TMEM52B: variants seen among roughly 807,000 people sequenced by gnomAD.
TMEM52B encodes the protein chromosome 12 open reading frame 59.
In TMEM52B, 11 loss-of-function variants were observed where a neutral mutation model predicts 16.1. That is an observed-to-expected ratio of 0.68 (90% CI 0.43 to 1.13). The LOEUF (loss-of-function observed/expected upper bound fraction) is 1.13. TMEM52B is among the 50% of genes most tolerant of loss of function. The probability of loss-of-function intolerance (pLI) is 0.00; values close to 1 mark genes in which losing one functional copy is unlikely to be tolerated. For synonymous variants in TMEM52B, 101 were observed against 93.8 expected, an observed-to-expected ratio of 1.08 and a Z score of -0.45; for missense variants, 243 against 230.4, an observed-to-expected ratio of 1.05 and a Z score of -0.35.
chr12:10,185,074 T>G (rs1413275445), intron 2 of TMEM52B, among the ~76,000 whole-genome samples: 2 of 152,212 alleles, frequency 1.3e-5, no homozygotes, highest in African/African-American at 4.8e-5. Flanking sequence ...CTATGGACAC[T>G]TCTAATGATC....
intron 2 of TMEM52B, 61 bp downstream of exon 2, chr12:10,182,654 A>T: frequency 6.7e-7 from 1 of 1,487,112 alleles, no homozygotes; most frequent in African/African-American, 1.4e-5. Flanking sequence ...CTACCCCAAA[A>T]GAGAGTCAAG....
chr12:10,185,901 C>T (rs1164103785), intron 3 of TMEM52B, among the ~76,000 whole-genome samples: 1 of 152,100 alleles, frequency 6.6e-6, no homozygotes, highest in African/African-American at 2.4e-5. Context: ...ATTAGCTGGG[C>T]GTGGTGGCAC....
At chr12:10,175,652 C>A (rs1948760233), upstream of TMEM52B, 1 of 152,254 alleles carries the variant, frequency 6.6e-6, no homozygotes. Context: ...GAAGCTGTCA[C>A]TCAATCCCTA....
At chr12:10,182,847 T>C (rs1948839572) in intron 2 of TMEM52B, among the ~76,000 whole-genome samples, 1 of 152,186 alleles carries the variant, frequency 6.6e-6, no homozygotes, top group Non-Finnish European at 1.5e-5. Flanking sequence ...AATCTCAACT[T>C]ATACAGTCAT....
intron 2 of TMEM52B, 67 bp from the exon 3 acceptor site, chr12:10,185,263 T>A: frequency 9.2e-7 from 1 of 1,085,370 alleles, no homozygotes; most frequent in Non-Finnish European, 1.4e-6. Context: ...CTCATATTTC[T>A]GAGTCTGGAG....
chr12:10,175,111 T>C (rs1430449971), upstream of TMEM52B, among the ~76,000 whole-genome samples: 1 of 152,172 alleles, frequency 6.6e-6, no homozygotes, highest in Non-Finnish European at 1.5e-5. Context: ...CTCCTGGTGT[T>C]CATGATCTTG....
Position 10,179,388 on chromosome 12 carries a change from A to G in TMEM52B, c.-187A>G, listed in dbSNP as rs1201438132. 1.5e-5 allele frequency: 9 copies of G among 617,082 alleles called. No homozygotes were observed. Among genetic ancestry groups the G allele is most frequent in the Non-Finnish European group, 2.6e-5 (9 of 347,118 alleles). The allele number at this position is 617,082 out of a possible 1,614,324, so 38.2% of individuals were successfully genotyped here. ...AAACAGGAAAGAAGAGGGAAAAGCC[A>G]TAGAAAATAACAGCCAGAGCGAGTA... is the stretch of plus-strand genomic sequence containing the variant. On this transcript the variant is annotated 5_prime_UTR_variant, in exon 1 of 5. Transcript: ENST00000543484.
At chr12:10,185,786 T>G (rs1423130801) in intron 3 of TMEM52B, among the ~76,000 whole-genome samples, 1 of 152,146 alleles carries the variant, frequency 6.6e-6, no homozygotes, top group Non-Finnish European at 1.5e-5. Context: ...CTCACACCTG[T>G]AATCCTAGCA....
At chr12:10,189,063 C>T (rs2896043) in intron 4 of TMEM52B, among the ~76,000 whole-genome samples, 42,902 of 131,064 alleles carry the variant, frequency 0.33, 7,318 homozygotes, top group Middle Eastern at 0.43. Context: ...TAGCCAGGCA[C>T]GTTGGCACAT....
chr12:10,174,800 T>C (rs1179460047), upstream of TMEM52B, among the ~76,000 whole-genome samples: 1 of 152,238 alleles, frequency 6.6e-6, no homozygotes, highest in Non-Finnish European at 1.5e-5. Context: ...AATTGGTTTA[T>C]TTTAGGCACC....
At chr12:10,186,711 C>T in intron 4 of TMEM52B, 122 bp downstream of exon 4, 1 of 1,065,426 alleles carries the variant, frequency 9.4e-7, no homozygotes, top group Non-Finnish European at 1.2e-6. Context: ...ACAATAATTT[C>T]CATTCCCAGA....
Position 10,189,045 on chromosome 12 carries a change from A to G in TMEM52B, c.308-851A>G, listed in dbSNP as rs1157871733. On this transcript the variant is annotated intron_variant, in intron 4 of 4. Coordinates refer to ENST00000543484, the MANE Select transcript of TMEM52B (RefSeq NM_001384896.1). ...AAAAAAAAAAAAAAAAAAAAAAAAA[A>G]AAAAAATTAGCCAGGCACGTTGGCA... Among the ~76,000 whole-genome samples, 3 of 121,998 alleles carry G rather than the reference A, an allele frequency of 2.5e-5. No homozygotes were observed. The East Asian group carries it at 6.9e-4, about 28-fold the overall frequency. 80.0% of individuals were successfully genotyped at this position (121,998 alleles called of 152,430 possible).
chr12:10,172,347 A>G, intron 1 of TMEM52B: 1 of 326,182 alleles, frequency 3.1e-6, no homozygotes, highest in South Asian at 4.9e-5. Context: ...AGGGAAAACT[A>G]TTTTTCATGA....
chr12:10,181,313 T>A (rs56896548), intron 1 of TMEM52B, among the ~76,000 whole-genome samples: 2,455 of 149,968 alleles, frequency 0.016, 60 homozygotes, highest in African/African-American at 0.057. Flanking sequence ...TCTGTCTGCA[T>A]CAATAGGTGT....
intron 4 of TMEM52B, among the ~76,000 whole-genome samples, chr12:10,189,228 T>C (rs1326733869): frequency 2.1e-5 from 3 of 139,672 alleles, no homozygotes; most frequent in Admixed American, 7.2e-5. Flanking sequence ...AGAAAAGAGA[T>C]GAGGTAAAAA....
At chr12:10,181,176 G>GT (rs1228261545) in intron 1 of TMEM52B, among the ~76,000 whole-genome samples, 3 of 151,940 alleles carry the variant, frequency 2.0e-5, no homozygotes, top group Non-Finnish European at 2.9e-5. Flanking sequence ...AGTTTTGTTT[G>GT]TTTTTTTGTT....
rs535321190 is a variant in TMEM52B, at chr12:10,190,378, A to G, written c.*238A>G. On this transcript the variant is annotated 3_prime_UTR_variant, in exon 5 of 5. Transcript: ENST00000543484. ...AAATCTGCAAGTAATCTCTAGCCACACTGATTACTACTAAACCAGGAAAGC... is the reference window on the plus strand; with the variant it reads ...AAATCTGCAAGTAATCTCTAGCCACGCTGATTACTACTAAACCAGGAAAGC... The G allele has an allele frequency of 1.4e-5, 7 of 483,388 alleles. No homozygotes were observed. Among genetic ancestry groups the G allele is most frequent in the Non-Finnish European group, 2.3e-5 (6 of 265,958 alleles). The allele number at this position is 483,388 out of a possible 1,614,324, so 29.9% of individuals were successfully genotyped here. A position where few individuals can be genotyped will look rare whatever the true frequency, so the allele number is the denominator to read the frequency against.
Position 10,190,294 on chromosome 12 carries a change from T to G in TMEM52B, c.*154T>G. ...GTTCTTACTCTTCGTTCACAGGCCT[T>G]TATATCTTCCGATACAGAATGCTCT... is the stretch of plus-strand genomic sequence containing the variant. On this transcript the variant is annotated 3_prime_UTR_variant, in exon 5 of 5. Transcript: ENST00000543484. 1 of 987,426 alleles carries G rather than the reference T, an allele frequency of 1.0e-6. No homozygotes were observed. The highest frequency in any genetic ancestry group is 1.5e-6 in the Non-Finnish European group (1 of 684,532). 61.2% of individuals were successfully genotyped at this position (987,426 alleles called of 1,614,324 possible).
At position 10,189,780 on chromosome 12, in the gene TMEM52B, A is replaced by G. The variant is rs141517838; in HGVS notation, c.308-116A>G. On this transcript the variant is annotated intron_variant, in intron 4 of 4. Transcript: ENST00000543484. ...ATAAAATTTGGGGCAAGGAGTGACA[A>G]TGAGTTTGGATACTTGTAAAAAATG... 37 of 1,416,676 alleles carry G rather than the reference A, an allele frequency of 2.6e-5. No individual in the cohort carries two copies. In the African/African-American group the frequency reaches 4.7e-4, roughly 18 times the overall value. The allele number at this position is 1,416,676 out of a possible 1,614,324, so 87.8% of individuals were successfully genotyped here. A position where few individuals can be genotyped will look rare whatever the true frequency, so the allele number is the denominator to read the frequency against.
Sources: allele counts gnomAD v4.1 joint callset (sites outside exome capture counted in the v4.1 genomes callset), GRCh38; gene constraint gnomAD v4.1.1; transcripts MANE v1.5; gene names NCBI Gene and HGNC (gene_info 2026-07-23, HGNC 2026-07-21).